The following RELN variants were observed in gnomAD, a reference collection of about 807,000 sequenced individuals.
The protein encoded by RELN is reelin.
In RELN, 108 loss-of-function variants were observed where a neutral mutation model predicts 427.6. The observed-to-expected ratio is 0.25, with a 90% CI of 0.22 to 0.30. The LOEUF is 0.30. Ranked by LOEUF, RELN falls within the 10% of genes least tolerant of loss-of-function variation. RELN has a pLI of 1.00. For synonymous variants in RELN, 1,524 were observed against 1,513.4 expected (o/e 1.01, Z -0.16); for missense variants, 3,715 against 4,302.8 (o/e 0.86, Z 3.82).
At chr7:103,909,720 T>TA (rs1283982542) in intron 2 of RELN, among the ~76,000 whole-genome samples, 1 of 33,214 alleles carries the variant, frequency 3.0e-5, no homozygotes, top group Non-Finnish European at 6.1e-5. Context: ...AAATATATAT[T>TA]AAATATATTT....
At chr7:103,973,199 G>A (rs1438055270) in intron 1 of RELN, among the ~76,000 whole-genome samples, 1 of 152,158 alleles carries the variant, frequency 6.6e-6, no homozygotes, top group Non-Finnish European at 1.5e-5. Flanking sequence ...TTTCAAGAGC[G>A]TTTCTAACAG....
Position 103,515,446 on chromosome 7 carries a change from A to G in RELN, c.7863-5T>C, listed in dbSNP as rs1253267075. On this transcript the variant is annotated splice_polypyrimidine_tract_variant and splice_region_variant and intron_variant, in intron 49 of 64. Coordinates refer to ENST00000428762, the MANE Select transcript of RELN (RefSeq NM_005045.4). ...GGGAGAAGGATATTCACAAATCTAT[A>G]GGAAAATGATGGGGAAGGGTGTGGG... 6.2e-7 allele frequency: 1 copy of G among 1,614,008 alleles called. No individual in the cohort carries two copies. Among genetic ancestry groups the G allele is most frequent in the Admixed American group, 1.7e-5 (1 of 60,026 alleles).
At chr7:103,970,770 C>T (rs981575291) in intron 1 of RELN, among the ~76,000 whole-genome samples, 2 of 152,202 alleles carry the variant, frequency 1.3e-5, no homozygotes, top group African/African-American at 4.8e-5. Context: ...TACATTTCCT[C>T]CAGGAACAGT....
At chr7:103,966,574 T>C (rs921860106) in intron 1 of RELN, among the ~76,000 whole-genome samples, 4 of 152,194 alleles carry the variant, frequency 2.6e-5, no homozygotes, top group African/African-American at 9.7e-5. Flanking sequence ...GTTTTGCATA[T>C]AATAAGGATA....
chr7:103,802,236 C>T (rs1792485603), intron 3 of RELN, among the ~76,000 whole-genome samples: 1 of 151,978 alleles, frequency 6.6e-6, no homozygotes, highest in African/African-American at 2.4e-5. Flanking sequence ...CAGGGTCTTG[C>T]AAAACTTTTT....
chr7:103,760,576 T>G (rs1278340824), intron 4 of RELN, among the ~76,000 whole-genome samples: 1 of 152,014 alleles, frequency 6.6e-6, no homozygotes, highest in Non-Finnish European at 1.5e-5. Context: ...AAAAGATGCC[T>G]GAAAATGAAT....
In RELN at chr7:103,532,208, A is replaced by G. The variant is rs143181415; in HGVS notation, c.7349+3108T>C. On this transcript the variant is annotated intron_variant, in intron 46 of 64. Coordinates refer to ENST00000428762, the MANE Select transcript of RELN (RefSeq NM_005045.4). The stretch of plus-strand genomic sequence containing the variant: ...ATGCAGGAACAGAAAACCAAATACC[A>G]TATGTTCTCACTTATAAGTGGGAGC... 7.3e-4 allele frequency among the ~76,000 whole-genome samples: 111 copies of G among 152,300 alleles called. No individual in the cohort carries two copies. The East Asian group carries it at 0.019, about 26-fold the overall frequency.
chr7:103,551,153 C>A lies in RELN; in HGVS notation c.6216G>T (p.Glu2072Asp). 1 of 1,614,036 alleles carries A rather than the reference C, an allele frequency of 6.2e-7. No individual in the cohort carries two copies. The highest frequency in any genetic ancestry group is 2.2e-5 in the East Asian group (1 of 44,870). The change falls in exon 41 of 65, where the codon GAG (glutamate) becomes GAT (aspartate). Residue 2072 changes from glutamate to aspartate, a missense_variant. Coordinates refer to ENST00000428762, the MANE Select transcript of RELN (RefSeq NM_005045.4). ...CGTAGTAGGTGCTGCTGGGGTGGTGCTCGGTGGAGCATAAAGAGCTGACGT... is the reference window on the plus strand; with the variant it reads ...CGTAGTAGGTGCTGCTGGGGTGGTGATCGGTGGAGCATAAAGAGCTGACGT... ...SSHVSSLCST[E>D]HHPSSTYYAG...
chr7:103,536,923 C>A (rs755758002), intron 45 of RELN, among the ~76,000 whole-genome samples: 5 of 152,140 alleles, frequency 3.3e-5, no homozygotes, highest in Admixed American at 6.5e-5. Context: ...AGACACAGTT[C>A]CAGCTTTCTA....
rs542018962 is a variant in RELN, at chr7:103,574,118, C to A, written c.4485G>T (p.Thr1495=). The change falls in exon 30 of 65, where the codon ACG becomes ACT. Residue 1495 remains threonine, a synonymous_variant. Coordinates refer to ENST00000428762, the MANE Select transcript of RELN (RefSeq NM_005045.4). ...FNGPGKREAR[T]VPLDTRNIRL... Reference sequence around the variant, plus strand: ...TGATATTCCTGGTGTCCAGAGGGACCGTCCGGGCTTCCCTTTTCCCAGGGC... The same window carrying A: ...TGATATTCCTGGTGTCCAGAGGGACAGTCCGGGCTTCCCTTTTCCCAGGGC... 23 of 1,613,862 alleles carry A rather than the reference C, an allele frequency of 1.4e-5. No homozygotes were observed. The highest frequency in any genetic ancestry group is 3.3e-5 in the Admixed American group (2 of 59,990).
intron 20 of RELN, chr7:103,628,175 T>C (rs1832369314): frequency 6.6e-6 from 1 of 152,202 alleles, no homozygotes; most frequent in African/African-American, 2.4e-5. Context: ...AGAAATCTCA[T>C]TTTGTTCTAC....
intron 2 of RELN, among the ~76,000 whole-genome samples, chr7:103,867,356 G>A (rs1468879289): frequency 2.0e-5 from 3 of 149,876 alleles, no homozygotes; most frequent in African/African-American, 7.3e-5. Context: ...AGAAAGATTA[G>A]TTCATTATAT....
At chr7:103,914,766 C>A (rs1025664345) in intron 2 of RELN, among the ~76,000 whole-genome samples, 1 of 152,040 alleles carries the variant, frequency 6.6e-6, no homozygotes, top group South Asian at 2.1e-4. Context: ...TGACTCACAG[C>A]CTGAACTCTT....
At chr7:103,977,381 G>A (rs879721961) in intron 1 of RELN, among the ~76,000 whole-genome samples, 9 of 150,706 alleles carry the variant, frequency 6.0e-5, no homozygotes, top group Non-Finnish European at 1.2e-4. Flanking sequence ...ATACAATCCC[G>A]GAGTATCTGG....
intron 11 of RELN, among the ~76,000 whole-genome samples, chr7:103,676,014 C>T (rs1191319186): frequency 5.3e-5 from 8 of 152,062 alleles, no homozygotes. Context: ...AAAGCAATGG[C>T]AACAAAAGCC....
chr7:103,741,142 A>G (rs953171376), intron 6 of RELN, among the ~76,000 whole-genome samples: 1 of 152,220 alleles, frequency 6.6e-6, no homozygotes, highest in Non-Finnish European at 1.5e-5. Context: ...ATGTAGCAAG[A>G]AAATAGAAGC....
Position 103,603,200 on chromosome 7 carries a change from A to C in RELN, c.3333+104T>G. The C allele has an allele frequency of 1.1e-6, 1 of 930,490 alleles. No individual in the cohort carries two copies. Among genetic ancestry groups the C allele is most frequent in the Non-Finnish European group, 1.8e-6 (1 of 562,216 alleles). The allele number at this position is 930,490 out of a possible 1,614,324, so 57.6% of individuals were successfully genotyped here. A position where few individuals can be genotyped will look rare whatever the true frequency, so the allele number is the denominator to read the frequency against. On this transcript the variant is annotated intron_variant, in intron 24 of 64. Coordinates refer to ENST00000428762, the MANE Select transcript of RELN (RefSeq NM_005045.4). This position sits in a 1 kb window ranked among gnomAD's most constrained non-coding sequence, Gnocchi z 4.3. ...GATAGAGCCCACTCAAAAGCGGGGA[A>C]CGTGGGGAACAATAGAACCACTTCA...
At chr7:103,687,422 A>G (rs116743627) in intron 10 of RELN, among the ~76,000 whole-genome samples, 77 of 152,274 alleles carry the variant, frequency 5.1e-4, no homozygotes, top group African/African-American at 1.8e-3. Context: ...ATCTTGGGGA[A>G]GCCATTTGGC....
At chr7:103,646,777 G>GT (rs1266746766) in intron 16 of RELN, among the ~76,000 whole-genome samples, 5 of 151,968 alleles carry the variant, frequency 3.3e-5, no homozygotes, top group African/African-American at 1.2e-4. Context: ...TATGAAGTCA[G>GT]TATAAACCTG....
Sources: gnomAD v4.1 joint callset for allele counts (sites outside exome capture counted in the v4.1 genomes callset) on GRCh38, gnomAD v4.1.1 for gene constraint, Gnocchi (gnomAD v3.1) non-coding constraint, MANE v1.5 for transcripts, NCBI Gene and HGNC (gene_info 2026-07-23, HGNC 2026-07-21) for gene names.